Variants in CEMIP observed in about 807,000 individuals in gnomAD.
The protein encoded by CEMIP is cell migration inducing hyaluronidase 1.
In CEMIP, 105 loss-of-function variants were observed where a neutral mutation model predicts 156.9. That is an observed-to-expected ratio of 0.67 (90% CI 0.57 to 0.79). The LOEUF is 0.79. Among genes scored for constraint, CEMIP ranks in the 30% least tolerant of loss-of-function variants. The probability of loss-of-function intolerance (pLI) is 0.00; values close to 1 mark genes in which losing one functional copy is unlikely to be tolerated. For synonymous variants in CEMIP, 676 were observed against 668.4 expected, an observed-to-expected ratio of 1.01 and a Z score of -0.17; for missense variants, 1,457 against 1,769.4, an observed-to-expected ratio of 0.82 and a Z score of 3.17.
chr15:80,835,291 C>T (rs921627186), intron 1 of CEMIP, among the ~76,000 whole-genome samples: 1 of 152,204 alleles, frequency 6.6e-6, no homozygotes, highest in African/African-American at 2.4e-5. Context: ...GTCCTCTCTG[C>T]CTGGAATGTC....
rs1428867976 is a variant in CEMIP, at chr15:80,906,651, T to A, written c.1412-12T>A. The A allele has an allele frequency of 1.9e-6, 3 of 1,608,116 alleles. No individual in the cohort carries two copies. The highest frequency in any genetic ancestry group is 2.6e-6 in the Non-Finnish European group (3 of 1,175,694). ...ACCTGCTGTTGTTTACCGTCCTCCCTTTCTGCCCTAGGGAAACCAATGTAC... is the reference window on the plus strand; with the variant it reads ...ACCTGCTGTTGTTTACCGTCCTCCCATTCTGCCCTAGGGAAACCAATGTAC... On this transcript the variant is annotated splice_polypyrimidine_tract_variant and intron_variant, in intron 12 of 29. Transcript: ENST00000394685. This position sits in a 1 kb window ranked among gnomAD's most constrained non-coding sequence, Gnocchi z 4.3.
intron 12 of CEMIP, among the ~76,000 whole-genome samples, chr15:80,900,587 T>TGG (rs1899446170): frequency 4.0e-5 from 2 of 49,856 alleles, no homozygotes; most frequent in Non-Finnish European, 9.0e-5. Flanking sequence ...CAGGTAGGGG[T>TGG]GTGTGTGTGT....
At chr15:80,854,454 C>A (rs959830661) in intron 1 of CEMIP, among the ~76,000 whole-genome samples, 1 of 152,256 alleles carries the variant, frequency 6.6e-6, no homozygotes, top group African/African-American at 2.4e-5. Flanking sequence ...ATCTGTAGGG[C>A]AGGGAACGCA....
chr15:80,794,572 C>T (rs1896167129), intron 1 of CEMIP, among the ~76,000 whole-genome samples: 1 of 152,198 alleles, frequency 6.6e-6, no homozygotes, highest in South Asian at 2.1e-4. Context: ...ACTTTATTTT[C>T]ACCTCATACA....
chr15:80,920,971 G>A, intron 15 of CEMIP, 61 bp from the exon 16 acceptor site: 2 of 1,398,228 alleles, frequency 1.4e-6, no homozygotes, highest in South Asian at 2.3e-5. Flanking sequence ...CACCTGCCAT[G>A]TGGCAGGATG....
At chr15:80,864,293 A>G (rs904569946) in intron 1 of CEMIP, among the ~76,000 whole-genome samples, 4 of 152,252 alleles carry the variant, frequency 2.6e-5, no homozygotes, top group Admixed American at 6.5e-5. Context: ...ATTGCCTGAC[A>G]GGGGTGAGTT....
At chr15:80,879,619 T>G in intron 4 of CEMIP, 97 bp from the exon 5 acceptor site, 28 of 1,412,504 alleles carry the variant, frequency 2.0e-5, no homozygotes, top group Non-Finnish European at 2.6e-5. Context: ...CCTGCCCCGG[T>G]GAGATGGGGA....
At chr15:80,786,703 C>T (rs1371015033) in intron 1 of CEMIP, among the ~76,000 whole-genome samples, 2 of 151,944 alleles carry the variant, frequency 1.3e-5, no homozygotes, top group Non-Finnish European at 2.9e-5. Flanking sequence ...ACATGGAGGA[C>T]CAGTGAGAAG....
chr15:80,940,840 G>A (rs561074944), intron 25 of CEMIP, among the ~76,000 whole-genome samples: 5 of 152,262 alleles, frequency 3.3e-5, no homozygotes, highest in African/African-American at 9.6e-5. Flanking sequence ...ACACACATAC[G>A]CACACACGCA....
At chr15:80,902,817 G>C (rs959352836) in intron 12 of CEMIP, among the ~76,000 whole-genome samples, 2 of 152,150 alleles carry the variant, frequency 1.3e-5, no homozygotes, top group African/African-American at 4.8e-5. Context: ...GGGAGCCTTG[G>C]GGATGGTGCT....
intron 1 of CEMIP, among the ~76,000 whole-genome samples, chr15:80,795,350 A>G (rs1896194527): frequency 1.3e-5 from 2 of 152,060 alleles, no homozygotes; most frequent in African/African-American, 2.4e-5. Flanking sequence ...AGGGGATGCT[A>G]TGGTGCTGGG....
At chr15:80,943,140 C>T in intron 28 of CEMIP, 38 bp downstream of exon 28, 1 of 1,608,962 alleles carries the variant, frequency 6.2e-7, no homozygotes, top group Non-Finnish European at 8.5e-7. Context: ...TGGCTGCTGG[C>T]ACAGCAGACC....
chr15:80,925,853 C>T (rs1900643442), intron 19 of CEMIP, 98 bp downstream of exon 19: 3 of 1,492,464 alleles, frequency 2.0e-6, no homozygotes, highest in East Asian at 4.7e-5. Flanking sequence ...AGAGGGGAAG[C>T]CAGACATACT....
intron 18 of CEMIP, among the ~76,000 whole-genome samples, 166 bp downstream of exon 18, chr15:80,924,872 T>C (rs1900602129): frequency 6.6e-6 from 1 of 152,086 alleles, no homozygotes; most frequent in Non-Finnish European, 1.5e-5. Flanking sequence ...CTGAGCAGGG[T>C]AAAGTCTGAA....
chr15:80,818,924 C>T (rs889073599), intron 1 of CEMIP, among the ~76,000 whole-genome samples: 2 of 152,206 alleles, frequency 1.3e-5, no homozygotes, highest in African/African-American at 4.8e-5. Flanking sequence ...GAGATCCATC[C>T]TGGGGAGTGG....
At chr15:80,902,767 A>C (rs866726261) in intron 12 of CEMIP, among the ~76,000 whole-genome samples, 1 of 152,178 alleles carries the variant, frequency 6.6e-6, no homozygotes, top group Admixed American at 6.5e-5. Context: ...CAAATTTGCT[A>C]TCTACCAACT....
At chr15:80,840,644 T>C (rs1295669290) in intron 1 of CEMIP, among the ~76,000 whole-genome samples, 2 of 152,176 alleles carry the variant, frequency 1.3e-5, no homozygotes, top group Admixed American at 1.3e-4. Context: ...ACTGCTGGAC[T>C]GCTGGGTGTC....
At chr15:80,874,124 G>A in intron 3 of CEMIP, 151 bp downstream of exon 3, 1 of 721,216 alleles carries the variant, frequency 1.4e-6, no homozygotes, top group South Asian at 1.5e-5. Flanking sequence ...TAAACTCCTT[G>A]GTCCCCGGCA....
At chr15:80,910,848 T>C (rs1469894430) in intron 14 of CEMIP, among the ~76,000 whole-genome samples, 1 of 152,202 alleles carries the variant, frequency 6.6e-6, no homozygotes, top group Admixed American at 6.5e-5. Context: ...CAGCAGGTGG[T>C]AGAGGACTGT....
Sources: allele counts gnomAD v4.1 joint callset (sites outside exome capture counted in the v4.1 genomes callset), GRCh38; gene constraint gnomAD v4.1.1; non-coding constraint Gnocchi (gnomAD v3.1); transcripts MANE v1.5; gene names NCBI Gene and HGNC (gene_info 2026-07-23, HGNC 2026-07-21).